The following TAF9B variants were observed in gnomAD, a reference collection of about 807,000 sequenced individuals.
The protein encoded by TAF9B is TATA-box binding protein associated factor 9b, also known as transcription initiation factor TFIID subunit 9B.
A neutral mutation model predicts 17.6 loss-of-function variants in TAF9B; 47 were observed. That is an observed-to-expected ratio of 2.68 (90% CI 2.12 to 3.41). TAF9B has a LOEUF of 3.41. Ranked by LOEUF, TAF9B falls within the 30% of genes most tolerant of loss-of-function variation. TAF9B has a pLI of 0.00. For synonymous variants in TAF9B, 84 were observed against 68.7 expected (o/e 1.22, Z -1.10); for missense variants, 218 against 189.3 (o/e 1.15, Z -0.89).
In TAF9B at chrX:78,130,899, C is replaced by T. The variant is rs181218345; in HGVS notation, c.*711G>A. 8.9e-6 allele frequency: 1 copy of T among 112,044 alleles called. No individual in the cohort carries two copies. The highest frequency in any genetic ancestry group is 2.8e-4 in the East Asian group (1 of 3,591). 9.2% of individuals were successfully genotyped at this position (112,044 alleles called of 1,213,427 possible). Reference sequence around the variant, plus strand: ...CAAACCATCAGGTTAAAGTGAATCACAAAACATTAGGCATGTAGAGCATGT... The same window carrying T: ...CAAACCATCAGGTTAAAGTGAATCATAAAACATTAGGCATGTAGAGCATGT... On this transcript the variant is annotated 3_prime_UTR_variant, in exon 7 of 7. Coordinates refer to ENST00000341864, the MANE Select transcript of TAF9B (RefSeq NM_015975.5).
chrX:78,139,631 T>C lies in TAF9B; in HGVS notation c.-20A>G. 1 of 1,211,019 alleles carries C rather than the reference T, an allele frequency of 8.3e-7. No homozygotes were observed. Among genetic ancestry groups the C allele is most frequent in the Non-Finnish European group, 1.1e-6 (1 of 894,950 alleles). ...CTCCATGTTATCCAGCCACTCGTCA[T>C]CCGCGGAGACAGAGGAGAGAGGAGA... On this transcript the variant is annotated 5_prime_UTR_variant, in exon 1 of 7. The change abolishes an upstream ATG in the 5' untranslated region. Transcript: ENST00000341864.
intron 6 of TAF9B, among the ~76,000 whole-genome samples, chrX:78,132,984 T>G (rs1254883155): frequency 2.7e-5 from 3 of 111,948 alleles, no homozygotes; most frequent in African/African-American, 9.7e-5. Flanking sequence ...CTCACATATA[T>G]TTTATTACAG....
chrX:78,132,217 C>T (rs569314283), intron 6 of TAF9B, among the ~76,000 whole-genome samples: 1 of 111,227 alleles, frequency 9.0e-6, no homozygotes, highest in East Asian at 2.8e-4. Context: ...TGGTCTCGAA[C>T]TCCTGGCCTC....
rs782056299 is a variant in TAF9B, at chrX:78,130,734, T to G, written c.*876A>C. The G allele has an allele frequency of 8.9e-6, 1 of 112,010 alleles. No homozygotes were observed. Among genetic ancestry groups the G allele is most frequent in the South Asian group, 3.7e-4 (1 of 2,725 alleles). The allele number at this position is 112,010 out of a possible 1,213,427, so 9.2% of individuals were successfully genotyped here. ...TTTAGAAATGTGAAACATGGAAGAG[T>G]TATCAACTTGGAATACAATACTAAA... On this transcript the variant is annotated 3_prime_UTR_variant, in exon 7 of 7. Transcript: ENST00000341864.
intron 1 of TAF9B, among the ~76,000 whole-genome samples, 158 bp downstream of exon 1, chrX:78,139,403 G>T (rs932042964): frequency 1.4e-4 from 16 of 112,288 alleles, no homozygotes; most frequent in African/African-American, 4.5e-4. Flanking sequence ...ATAGGGGCCC[G>T]GGGGCCAGGG....
chrX:78,133,277 C>A, intron 6 of TAF9B, 61 bp downstream of exon 6: 1 of 969,385 alleles, frequency 1.0e-6, no homozygotes, highest in South Asian at 2.0e-5. Flanking sequence ...TATAGGAATA[C>A]AAACGGTCCT....
In TAF9B at chrX:78,131,236, A is replaced by G. The variant is rs2078410086; in HGVS notation, c.*374T>C. On this transcript the variant is annotated 3_prime_UTR_variant, in exon 7 of 7. Transcript: ENST00000341864. ...AAGTAACTATATTACCTTATAAAATAAAGTAGTATTTAAATGTAGATCAGA... is the reference window on the plus strand; with the variant it reads ...AAGTAACTATATTACCTTATAAAATGAAGTAGTATTTAAATGTAGATCAGA... The G allele has an allele frequency of 1.7e-5, 2 of 118,222 alleles. No individual in the cohort carries two copies. The highest frequency in any genetic ancestry group is 6.4e-5 in the African/African-American group (2 of 31,123). 9.7% of individuals were successfully genotyped at this position (118,222 alleles called of 1,213,427 possible).
chrX:78,139,642 AGAG>A lies in TAF9B; in HGVS notation c.-34_-32del, dbSNP rs782538871. The A allele has an allele frequency of 8.3e-6, 10 of 1,208,773 alleles. No homozygotes were observed. Among genetic ancestry groups the A allele is most frequent in the Middle Eastern group, 4.6e-4 (2 of 4,328 alleles). Reference sequence around the variant, plus strand: ...CCAGCCACTCGTCATCCGCGGAGACAGAGGAGAGAGGAGAGCTCGCGGGCTCCT... The same window carrying A: ...CCAGCCACTCGTCATCCGCGGAGACAGAGAGAGGAGAGCTCGCGGGCTCCT... On this transcript the variant is annotated 5_prime_UTR_variant, in exon 1 of 7. Transcript: ENST00000341864.
rs140567380 is a variant in TAF9B at position 78,139,570 on chromosome X, T to C, written c.42A>G (p.Arg14=). 192 of 1,210,672 alleles carry C rather than the reference T, an allele frequency of 1.6e-4. No homozygotes were observed. The highest frequency in any genetic ancestry group is 2.1e-4 in the South Asian group (12 of 56,852). ...TATCCTTCGCACTTACCAAGGCATCTCTCGGAGCGTTCTTGGGAGGCGCCA... is the reference window on the plus strand; with the variant it reads ...TATCCTTCGCACTTACCAAGGCATCCCTCGGAGCGTTCTTGGGAGGCGCCA... The part of the protein sequence containing the change: ...GKMAPPKNAP[R]DALVMAQILK... The change falls in exon 1 of 7, where the codon AGA becomes AGG. Residue 14 remains arginine (R), a synonymous_variant. Coordinates refer to ENST00000341864, the MANE Select transcript of TAF9B (RefSeq NM_015975.5).
chrX:78,135,810 G>A (rs1557249980), intron 5 of TAF9B, among the ~76,000 whole-genome samples: 1 of 111,584 alleles, frequency 9.0e-6, no homozygotes, highest in African/African-American at 3.3e-5. Context: ...AAAAAAGCTG[G>A]TATTCATTTA....
At chrX:78,136,604 G>A (rs1216815877) in intron 5 of TAF9B, among the ~76,000 whole-genome samples, 1 of 111,768 alleles carries the variant, frequency 8.9e-6, no homozygotes, top group Non-Finnish European at 1.9e-5. Context: ...AGTGTGTGTG[G>A]CACCTTATAG....
Position 78,138,078 on chromosome X carries a change from C to G in TAF9B, c.154G>C (p.Asp52His). The change falls in exon 3 of 7, where the codon GAT becomes CAT. Residue 52 changes from aspartate (D) to histidine (H), a missense_variant. Asp to His is a moderately conservative substitution (Grantham distance 81). Transcript: ENST00000341864. ...FAFRYVTTIL[D>H]DAKIYSSHAK... ...TGGCTCGAATAAATTTTTGCATCAT[C>G]CAGAATTGTAGTCACATAACCTATA... is the stretch of plus-strand genomic sequence containing the variant. 8.3e-7 allele frequency: 1 copy of G among 1,203,645 alleles called. No homozygotes were observed. Among genetic ancestry groups the G allele is most frequent in the Non-Finnish European group, 1.1e-6 (1 of 892,924 alleles).
chrX:78,135,262 T>A (rs2078429702), intron 5 of TAF9B, among the ~76,000 whole-genome samples: 1 of 103,755 alleles, frequency 9.6e-6, no homozygotes, highest in Non-Finnish European at 2.0e-5. Flanking sequence ...CAACTCATTT[T>A]AATTTTTTTA....
chrX:78,137,691 A>T (rs2078439014), intron 4 of TAF9B, 58 bp downstream of exon 4: 1 of 1,079,534 alleles, frequency 9.3e-7, no homozygotes, highest in Non-Finnish European at 1.2e-6. Context: ...TGCTTTTCAC[A>T]AAGTCCCCTA....
At chrX:78,134,830 T>C (rs1041718824) in intron 5 of TAF9B, among the ~76,000 whole-genome samples, 1 of 111,899 alleles carries the variant, frequency 8.9e-6, no homozygotes, top group African/African-American at 3.3e-5. Context: ...GGCCTAAGGA[T>C]TGTTAATACA....
chrX:78,130,084 A>T lies in TAF9B; in HGVS notation c.*1526T>A, dbSNP rs1346969018. ...GATCAGGTCTATTTTTATACATTTT[A>T]CCTGTTTTTATATTACCTTTCCCTA... On this transcript the variant is annotated 3_prime_UTR_variant, in exon 7 of 7. Coordinates refer to ENST00000341864, the MANE Select transcript of TAF9B (RefSeq NM_015975.5). The T allele has an allele frequency of 8.9e-6, 1 of 112,228 alleles. No homozygotes were observed. Among genetic ancestry groups the T allele is most frequent in the African/African-American group, 3.2e-5 (1 of 30,776 alleles). 9.2% of individuals were successfully genotyped at this position (112,228 alleles called of 1,213,427 possible).
rs1557250386 is a variant in TAF9B at position 78,138,867 on chromosome X, T to G, written c.109A>C (p.Asn37His). ...GITEYEPRVI[N>H]QMLEFAFRYV... Reference sequence around the variant, plus strand: ...CGGAAAGCAAATTCCAACATTTGATTTATAACCCTTGGTTCATACTCTGTG... The same window carrying G: ...CGGAAAGCAAATTCCAACATTTGATGTATAACCCTTGGTTCATACTCTGTG... The change falls in exon 2 of 7, where the codon AAT becomes CAT. Residue 37 changes from asparagine (N) to histidine (H), a missense_variant. Physicochemically the swap from Asn to His is moderately conservative, Grantham distance 68. Coordinates refer to ENST00000341864, the MANE Select transcript of TAF9B (RefSeq NM_015975.5). 3 of 1,208,808 alleles carry G rather than the reference T, an allele frequency of 2.5e-6. No homozygotes were observed. Among genetic ancestry groups the G allele is most frequent in the South Asian group, 1.8e-5 (1 of 56,812 alleles).
At chrX:78,134,305 C>A (rs1175771578) in intron 5 of TAF9B, among the ~76,000 whole-genome samples, 1 of 111,885 alleles carries the variant, frequency 8.9e-6, no homozygotes. Flanking sequence ...CAAGCCTTGA[C>A]TAACATTTTT....
chrX:78,133,141 A>AG (rs1390669941), intron 6 of TAF9B, among the ~76,000 whole-genome samples, 197 bp downstream of exon 6: 10 of 111,944 alleles, frequency 8.9e-5, no homozygotes, highest in African/African-American at 3.2e-4. Context: ...CTCAAGGATA[A>AG]GGGGGGAGAC....
Sources: allele counts gnomAD v4.1 joint callset (sites outside exome capture counted in the v4.1 genomes callset), GRCh38; gene constraint gnomAD v4.1.1; transcripts MANE v1.5; gene names NCBI Gene and HGNC (gene_info 2026-07-23, HGNC 2026-07-21).